Variants in MAPK8IP1 observed in about 807,000 individuals in gnomAD.
MAPK8IP1 encodes the protein mitogen-activated protein kinase 8 interacting protein 1, also known as C-Jun-amino-terminal kinase-interacting protein 1.
Under a neutral mutation model 72.6 loss-of-function variants are expected in MAPK8IP1, and 17 were observed. The ratio of observed to expected loss-of-function variants is 0.23; its 90% CI spans 0.16 to 0.35. MAPK8IP1 has a LOEUF of 0.35. Among genes scored for constraint, MAPK8IP1 ranks in the 10% least tolerant of loss-of-function variants. The probability of loss-of-function intolerance (pLI) is 1.00; values close to 1 mark genes in which losing one functional copy is unlikely to be tolerated. For synonymous variants in MAPK8IP1, 401 were observed against 443.4 expected, an observed-to-expected ratio of 0.90 and a Z score of 1.20; for missense variants, 789 against 1,009.7, an observed-to-expected ratio of 0.78 and a Z score of 2.96.
rs182110787 is a variant in MAPK8IP1, at chr11:45,903,819, A to C, written c.1494-170A>C. On this transcript the variant is annotated intron_variant, in intron 6 of 11. Coordinates refer to ENST00000241014, the MANE Select transcript of MAPK8IP1 (RefSeq NM_005456.4). This position sits in a 1 kb window ranked among gnomAD's most constrained non-coding sequence, Gnocchi z 6.4. ...CCTGTGTTTCCTCGATGGCAGATGC[A>C]TGTCTGCTTGACCTTGCTCTCCCCT... 2.6e-5 allele frequency among the ~76,000 whole-genome samples: 4 copies of C among 152,210 alleles called. No individual in the cohort carries two copies. Among genetic ancestry groups the C allele is most frequent in the Non-Finnish European group, 4.4e-5 (3 of 68,010 alleles).
In MAPK8IP1 at chr11:45,900,377, C is replaced by T. The variant is rs2086642008; in HGVS notation, c.447C>T (p.Gly149=). The T allele has an allele frequency of 2.0e-6, 3 of 1,524,654 alleles. No individual in the cohort carries two copies. Among genetic ancestry groups the T allele is most frequent in the Non-Finnish European group, 2.6e-6 (3 of 1,142,658 alleles). 94.4% of individuals were successfully genotyped at this position (1,524,654 alleles called of 1,614,324 possible). ...GCCAGAGCCAAGGCCAGAGCCAGGGCCCGGGCAGCGGGGACACGTACCGGC... is the reference window on the plus strand; with the variant it reads ...GCCAGAGCCAAGGCCAGAGCCAGGGTCCGGGCAGCGGGGACACGTACCGGC... ...GQGQSQGQSQ[G]PGSGDTYRPK... is the part of the protein sequence containing the mutation. The change falls in exon 3 of 12, where the codon GGC becomes GGT. Residue 149 remains glycine, a synonymous_variant. Transcript: ENST00000241014. The surrounding 1 kb of genome is among the most constrained non-coding windows in gnomAD (Gnocchi z 6.5).
At chr11:45,886,623 AGCT>A (rs887420880) in intron 1 of MAPK8IP1, among the ~76,000 whole-genome samples, 25 of 152,074 alleles carry the variant, frequency 1.6e-4, no homozygotes, top group African/African-American at 5.1e-4. Context: ...CCCTGACCTG[AGCT>A]CCTATTCCAC....
At position 45,903,370 on chromosome 11, in the gene MAPK8IP1, G is replaced by C; in HGVS notation, c.1423G>C (p.Glu475Gln). The part of the protein sequence containing the change: ...MSGRSRSSSA[E>Q]SFGLFSCIIN... ...CCACACCACCTCACCTGCAGGTGCT[G>C]AGTCCTTCGGGCTGTTCTCCTGCAT... The change falls in exon 6 of 12, where the codon GAG becomes CAG. Residue 475 changes from glutamate to glutamine, a missense_variant. This residue lies in a region of MAPK8IP1 where 377 missense variants were observed against 411.7 expected (regional missense o/e 0.92). Coordinates refer to ENST00000241014, the MANE Select transcript of MAPK8IP1 (RefSeq NM_005456.4). This position sits in a 1 kb window ranked among gnomAD's most constrained non-coding sequence, Gnocchi z 6.4. The C allele has an allele frequency of 6.2e-7, 1 of 1,613,766 alleles. No homozygotes were observed. The highest frequency in any genetic ancestry group is 2.2e-5 in the East Asian group (1 of 44,888).
In MAPK8IP1 at chr11:45,904,283, T is replaced by G; in HGVS notation, c.1666+122T>G. 2.3e-6 allele frequency: 3 copies of G among 1,283,416 alleles called. No individual in the cohort carries two copies. The highest frequency in any genetic ancestry group is 3.3e-6 in the Non-Finnish European group (3 of 904,196). The allele number at this position is 1,283,416 out of a possible 1,614,324, so 79.5% of individuals were successfully genotyped here. A position where few individuals can be genotyped will look rare whatever the true frequency, so the allele number is the denominator to read the frequency against. On this transcript the variant is annotated intron_variant, in intron 7 of 11. Coordinates refer to ENST00000241014, the MANE Select transcript of MAPK8IP1 (RefSeq NM_005456.4). This position sits in a 1 kb window ranked among gnomAD's most constrained non-coding sequence, Gnocchi z 6.4. ...GTGGGGGGCTGAGTGGAAGTGATTT[T>G]AGGTCCTTTTCACGATCAAGCAAAG...
chr11:45,894,849 G>A (rs1449476780), intron 1 of MAPK8IP1, among the ~76,000 whole-genome samples: 1 of 152,252 alleles, frequency 6.6e-6, no homozygotes, highest in Non-Finnish European at 1.5e-5. Context: ...CAGCCAGGGG[G>A]TGGGAAGTGG....
At chr11:45,894,439 G>A (rs1344260316) in intron 1 of MAPK8IP1, among the ~76,000 whole-genome samples, 2 of 151,164 alleles carry the variant, frequency 1.3e-5, no homozygotes, top group Non-Finnish European at 3.0e-5. Context: ...CTGACCCCCA[G>A]CCCAGTATTC....
rs571061681 is a variant in MAPK8IP1 at position 45,901,840 on chromosome 11, C to G, written c.523-140C>G. ...TCCTGCCTGCTCCAGAGGAGAGTTA[C>G]GAGTGAGGCCTTTGACAGTGGAGGC... On this transcript the variant is annotated intron_variant, in intron 3 of 11. Transcript: ENST00000241014. The G allele has an allele frequency of 5.3e-5, 41 of 780,430 alleles. 1 individual carries two copies. The highest frequency in any genetic ancestry group is 5.2e-4 in the South Asian group (38 of 73,246). 48.3% of individuals were successfully genotyped at this position (780,430 alleles called of 1,614,324 possible).
At chr11:45,893,403 C>T (rs181193497) in intron 1 of MAPK8IP1, among the ~76,000 whole-genome samples, 3 of 152,064 alleles carry the variant, frequency 2.0e-5, no homozygotes, top group East Asian at 1.9e-4. Flanking sequence ...GCTGGTATGG[C>T]GAGAACAGTG....
At position 45,897,046 on chromosome 11, in the gene MAPK8IP1, G is replaced by A. The variant is rs191094491; in HGVS notation, c.102-1039G>A. On this transcript the variant is annotated intron_variant, in intron 1 of 11. Coordinates refer to ENST00000241014, the MANE Select transcript of MAPK8IP1 (RefSeq NM_005456.4). ...ATCTGAATGAGGCGAGTGGCAGGGA[G>A]TCTGGGCCTCCTAGGTTCCCCTGGG... is the stretch of plus-strand genomic sequence containing the variant. 5.0e-3 allele frequency: 6,688 copies of A among 1,343,212 alleles called. 25 individuals are homozygous for A. The highest frequency in any genetic ancestry group is 6.5e-3 in the Admixed American group (327 of 50,290). 83.2% of individuals were successfully genotyped at this position (1,343,212 alleles called of 1,614,324 possible).
At position 45,900,224 on chromosome 11, in the gene MAPK8IP1, C is replaced by T. The variant is rs2086640133; in HGVS notation, c.294C>T (p.Asp98=). 8 of 1,330,920 alleles carry T rather than the reference C, an allele frequency of 6.0e-6. No individual in the cohort carries two copies. The highest frequency in any genetic ancestry group is 7.6e-6 in the Non-Finnish European group (8 of 1,048,198). The allele number at this position is 1,330,920 out of a possible 1,614,324, so 82.4% of individuals were successfully genotyped here. ...QAEMLQMDLI[D]ATGDTPGAED... is the part of the protein sequence containing the mutation. ...AGATGCTGCAGATGGACCTGATCGA[C>T]GCGACGGGGGACACTCCCGGGGCCG... Residue 98 remains aspartate (D), a synonymous_variant, in exon 3 of 12, where the codon GAC becomes GAT. Coordinates refer to ENST00000241014, the MANE Select transcript of MAPK8IP1 (RefSeq NM_005456.4). The surrounding 1 kb of genome is among the most constrained non-coding windows in gnomAD (Gnocchi z 6.5).
intron 10 of MAPK8IP1, 30 bp from the exon 11 acceptor site, chr11:45,905,120 CG>C (rs2086695249): frequency 6.2e-7 from 1 of 1,611,330 alleles, no homozygotes. Context: ...GCCGAGCCCC[CG>C]TCCCAGCACA....
In MAPK8IP1 at chr11:45,902,933, C is replaced by T; in HGVS notation, c.1166C>T (p.Ala389Val). ...VKYTLVVDEH[A>V]QLELVSLRPC... ...TACACGCTGGTGGTAGATGAGCATG[C>T]ACAGCTGGAGCTGGTGAGCCTGCGG... The change falls in exon 5 of 12, where the codon GCA (alanine) becomes GTA (valine). Residue 389 changes from alanine to valine, a missense_variant. Physicochemically the swap from Ala to Val is moderately conservative, Grantham distance 64. Transcript: ENST00000241014. This position sits in a 1 kb window ranked among gnomAD's most constrained non-coding sequence, Gnocchi z 9.3. 6.2e-7 allele frequency: 1 copy of T among 1,611,506 alleles called. No individual in the cohort carries two copies. The highest frequency in any genetic ancestry group is 1.3e-5 in the African/African-American group (1 of 75,006).
Position 45,888,856 on chromosome 11 carries a change from C to T in MAPK8IP1, c.101+2935C>T, listed in dbSNP as rs533774790. ...CTGGGATTACAGGTGCCCACCACCA[C>T]GCCCGGCTAATTTTTGTATTTTTAG... On this transcript the variant is annotated intron_variant, in intron 1 of 11. Coordinates refer to ENST00000241014, the MANE Select transcript of MAPK8IP1 (RefSeq NM_005456.4). 1.4e-3 allele frequency among the ~76,000 whole-genome samples: 213 copies of T among 152,164 alleles called. 1 individual carries two copies. Among genetic ancestry groups the T allele is most frequent in the African/African-American group, 4.7e-3 (194 of 41,530 alleles).
intron 1 of MAPK8IP1, among the ~76,000 whole-genome samples, chr11:45,890,768 CTG>C (rs2086560728): frequency 6.6e-6 from 1 of 152,088 alleles, no homozygotes; most frequent in South Asian, 2.1e-4. Flanking sequence ...GAATTTGAGA[CTG>C]GGGATCATTG....
intron 1 of MAPK8IP1, among the ~76,000 whole-genome samples, chr11:45,890,172 G>A (rs1207525610): frequency 6.6e-6 from 1 of 152,194 alleles, no homozygotes; most frequent in African/African-American, 2.4e-5. Flanking sequence ...CTGGCAGGAG[G>A]GTGGAGAGCA....
intron 1 of MAPK8IP1, among the ~76,000 whole-genome samples, chr11:45,886,317 G>C (rs1417822417): frequency 6.6e-6 from 1 of 152,244 alleles, no homozygotes; most frequent in Non-Finnish European, 1.5e-5. Context: ...GAGGGGCGCG[G>C]GTCGCAGTTT....
chr11:45,890,541 C>T (rs912221955), intron 1 of MAPK8IP1, among the ~76,000 whole-genome samples: 4 of 152,128 alleles, frequency 2.6e-5, no homozygotes, highest in South Asian at 2.1e-4. Flanking sequence ...GGGTAGAGAG[C>T]GGCCAGGGGA....
Position 45,902,418 on chromosome 11 carries a change from G to GC in MAPK8IP1, c.658dup (p.Gln220ProfsTer60), listed in dbSNP as rs781009214. ...AACACATCTGCCTGAGCGATGAGCTGCCCCCCCAGAGCGGCCCCGCCCCCA... is the reference window on the plus strand; with the variant it reads ...AACACATCTGCCTGAGCGATGAGCTGCCCCCCCCAGAGCGGCCCCGCCCCCA... On this transcript the variant is annotated frameshift_variant, in exon 5 of 12. Coordinates refer to ENST00000241014, the MANE Select transcript of MAPK8IP1 (RefSeq NM_005456.4). LOFTEE classifies it high-confidence loss of function. This position sits in a 1 kb window ranked among gnomAD's most constrained non-coding sequence, Gnocchi z 9.3. The GC allele has an allele frequency of 3.8e-6, 6 of 1,581,410 alleles. No homozygotes were observed. Among genetic ancestry groups the GC allele is most frequent in the Admixed American group, 3.6e-5 (2 of 54,840 alleles).
In MAPK8IP1 at chr11:45,902,710, C is replaced by T. The variant is rs2086665562; in HGVS notation, c.943C>T (p.Pro315Ser). The change falls in exon 5 of 12, where the codon CCT becomes TCT. Residue 315 changes from proline to serine, a missense_variant. Physicochemically the swap from Pro to Ser is moderately conservative, Grantham distance 74 (BLOSUM62 -1). Transcript: ENST00000241014. The surrounding 1 kb of genome is among the most constrained non-coding windows in gnomAD (Gnocchi z 9.3). ...SRMSVSSDPDPAAYPSTAGRP... is the reference protein window; with the variant it reads ...SRMSVSSDPDSAAYPSTAGRP... Reference sequence around the variant, plus strand: ...GATGTCAGTCAGCTCCGATCCAGACCCTGCCGCCTACCCCTCCACGGCAGG... The same window carrying T: ...GATGTCAGTCAGCTCCGATCCAGACTCTGCCGCCTACCCCTCCACGGCAGG... 6.2e-6 allele frequency: 10 copies of T among 1,609,420 alleles called. No homozygotes were observed. Among genetic ancestry groups the T allele is most frequent in the African/African-American group, 1.3e-5 (1 of 74,922 alleles).
Sources: gnomAD v4.1 joint callset for allele counts (sites outside exome capture counted in the v4.1 genomes callset) on GRCh38, gnomAD v4.1.1 for gene constraint, gnomAD v4.1.1 regional missense constraint, Gnocchi (gnomAD v3.1) non-coding constraint, MANE v1.5 for transcripts, NCBI Gene and HGNC (gene_info 2026-07-23, HGNC 2026-07-21) for gene names.